Variants in ZNF423 observed in about 807,000 individuals in gnomAD.
The protein encoded by ZNF423 is Ebf-associated zinc finger protein.
In ZNF423, 12 loss-of-function variants were observed where a neutral mutation model predicts 95.8. The ratio of observed to expected loss-of-function variants is 0.13; its 90% CI spans 0.08 to 0.20. The LOEUF is 0.20. Among genes scored for constraint, ZNF423 ranks in the 10% least tolerant of loss-of-function variants. The pLI is 1.00. For missense variants in ZNF423, 1,316 were observed against 1,737.1 expected (o/e 0.76, Z 4.31); for synonymous variants, 749 against 711.9 (o/e 1.05, Z -0.83).
Position 49,638,586 on chromosome 16 carries a change from G to A in ZNF423, c.590C>T (p.Thr197Met), listed in dbSNP as rs1213860159. 5 of 1,613,704 alleles carry A rather than the reference G, an allele frequency of 3.1e-6. No homozygotes were observed. Among genetic ancestry groups the A allele is most frequent in the South Asian group, 2.2e-5 (2 of 91,082 alleles). The part of the protein sequence containing the change: ...RSRDRHIKLH[T>M]GDKKYHCHEC... ...GTGGCAGTGATACTTCTTGTCGCCC[G>A]TATGCAGCTTGATGTGCCGGTCACG... The change falls in exon 4 of 8, where the codon ACG (threonine) becomes ATG (methionine). Residue 197 changes from threonine (T) to methionine (M), a missense_variant. Around this residue, in one of 6 missense-constraint regions of ZNF423, gnomAD observed 58 missense variants for 116.9 expected, o/e 0.50. Transcript: ENST00000563137. The surrounding 1 kb of genome is among the most constrained non-coding windows in gnomAD (Gnocchi z 5.6).
At chr16:49,630,454 A>C (rs1401164172) in intron 4 of ZNF423, among the ~76,000 whole-genome samples, 1 of 152,150 alleles carries the variant, frequency 6.6e-6, no homozygotes, top group African/African-American at 2.4e-5. Context: ...CATCCCAGGA[A>C]GGGAAGCTTC....
intron 7 of ZNF423, among the ~76,000 whole-genome samples, chr16:49,517,134 C>T (rs2151693315): frequency 6.6e-6 from 1 of 152,268 alleles, no homozygotes. Context: ...AGTGTAGCTG[C>T]CTTATTTAAG....
At chr16:49,720,154 C>T (rs1007318039) in intron 3 of ZNF423, among the ~76,000 whole-genome samples, 1 of 152,222 alleles carries the variant, frequency 6.6e-6, no homozygotes, top group African/African-American at 2.4e-5. Context: ...TTATGGAACA[C>T]CCAAGGTGGG....
chr16:49,508,211 A>G (rs1967732680), intron 7 of ZNF423, among the ~76,000 whole-genome samples: 1 of 152,174 alleles, frequency 6.6e-6, no homozygotes, highest in East Asian at 1.9e-4. Flanking sequence ...ATGATGATGG[A>G]AATTCTCTGT....
Position 49,742,635 on chromosome 16 carries a change from C to T in ZNF423, c.101-11664G>A, listed in dbSNP as rs548278377. Among the ~76,000 whole-genome samples, 246 of 151,730 alleles carry T rather than the reference C, an allele frequency of 1.6e-3. 1 individual carries two copies. Among genetic ancestry groups the T allele is most frequent in the Admixed American group, 4.2e-3 (64 of 15,232 alleles). ...GAAGGGGGAGATGGGGGAGCAGGGC[C>T]GGCGGTGGGCAGGGGAGGGAGGATG... On this transcript the variant is annotated intron_variant, in intron 2 of 7. Coordinates refer to ENST00000563137, the MANE Select transcript of ZNF423 (RefSeq NM_001379286.1).
intron 5 of ZNF423, among the ~76,000 whole-genome samples, chr16:49,621,968 G>A (rs1972098710): frequency 6.6e-6 from 1 of 152,158 alleles, no homozygotes; most frequent in Non-Finnish European, 1.5e-5. Context: ...CAACACCGCA[G>A]CCAGATTCTT....
intron 1 of ZNF423, among the ~76,000 whole-genome samples, chr16:49,795,409 C>A (rs1293387304): frequency 6.6e-6 from 1 of 152,226 alleles, no homozygotes; most frequent in Non-Finnish European, 1.5e-5. Flanking sequence ...GCCTTGAGCA[C>A]AAACCACTCC....
chr16:49,809,376 T>A (rs1246967237), intron 1 of ZNF423, among the ~76,000 whole-genome samples: 1 of 152,168 alleles, frequency 6.6e-6, no homozygotes, highest in Non-Finnish European at 1.5e-5. Context: ...AGTGGTCCCA[T>A]GCTCTGTGTG....
rs150934412 is a variant in ZNF423 at position 49,525,965 on chromosome 16, G to A, written c.3602-471C>T. ...CAAATAATGTCTCTGCCCCCACTCT[G>A]GTGGTGGGGTAGACAGATGATAAAC... On this transcript the variant is annotated intron_variant, in intron 5 of 7. Transcript: ENST00000563137. Among the ~76,000 whole-genome samples, 543 of 152,342 alleles carry A rather than the reference G, an allele frequency of 3.6e-3. 9 individuals carry two copies. Among genetic ancestry groups the A allele is most frequent in the East Asian group, 0.027 (141 of 5,190 alleles).
chr16:49,714,249 G>A (rs1038776352), intron 3 of ZNF423, among the ~76,000 whole-genome samples: 4 of 152,140 alleles, frequency 2.6e-5, no homozygotes, highest in African/African-American at 9.7e-5. Context: ...CGAAGCACCC[G>A]GTGCTTACCT....
chr16:49,833,828 G>A lies in ZNF423; in HGVS notation c.40+21907C>T, dbSNP rs569116604. Among the ~76,000 whole-genome samples, 298 of 152,052 alleles carry A rather than the reference G, an allele frequency of 2.0e-3. 1 individual carries two copies. The highest frequency in any genetic ancestry group is 7.0e-3 in the African/African-American group (290 of 41,454). The stretch of plus-strand genomic sequence containing the variant: ...GGGAGCATGTGCAGGGGGGCAGCAG[G>A]GCTGGGTGGGCAGGGAGGGCAGGGA... On this transcript the variant is annotated intron_variant, in intron 1 of 7. Transcript: ENST00000563137.
intron 7 of ZNF423, among the ~76,000 whole-genome samples, chr16:49,498,950 T>A (rs1039930680): frequency 6.6e-6 from 1 of 152,146 alleles, no homozygotes; most frequent in African/African-American, 2.4e-5. Flanking sequence ...GAACACAATT[T>A]AGCTAATGCA....
intron 5 of ZNF423, among the ~76,000 whole-genome samples, chr16:49,617,315 G>A (rs956263093): frequency 4.6e-4 from 70 of 152,204 alleles, no homozygotes; most frequent in Admixed American, 7.9e-4. Flanking sequence ...AAGCTCTGGG[G>A]CCACTGGCCA....
At chr16:49,730,540 G>T (rs984289804) in intron 3 of ZNF423, 2 of 570,088 alleles carry the variant, frequency 3.5e-6, no homozygotes, top group Non-Finnish European at 3.1e-6. Flanking sequence ...GCGGGGAGAG[G>T]GGGCCGGGAC....
chr16:49,511,652 T>C (rs1967901202), intron 7 of ZNF423, among the ~76,000 whole-genome samples: 1 of 152,170 alleles, frequency 6.6e-6, no homozygotes, highest in South Asian at 2.1e-4. Context: ...ACAAGGAGTG[T>C]TGTCAGTGTC....
At chr16:49,778,610 T>A (rs143854266) in intron 2 of ZNF423, among the ~76,000 whole-genome samples, 4 of 142,728 alleles carry the variant, frequency 2.8e-5, no homozygotes, top group African/African-American at 1.0e-4. Context: ...AATGGTTCCC[T>A]ACAGACTCAG....
At chr16:49,720,770 T>C (rs749076751) in intron 3 of ZNF423, among the ~76,000 whole-genome samples, 1 of 152,194 alleles carries the variant, frequency 6.6e-6, no homozygotes, top group African/African-American at 2.4e-5. Context: ...TCCTACCTCC[T>C]AAAGAAGATG....
At chr16:49,711,019 T>C (rs1269572968) in intron 3 of ZNF423, among the ~76,000 whole-genome samples, 2 of 152,002 alleles carry the variant, frequency 1.3e-5, no homozygotes. Flanking sequence ...AAGCACAGTA[T>C]GTAAAGCCAA....
At chr16:49,720,900 C>T (rs2032846027) in intron 3 of ZNF423, among the ~76,000 whole-genome samples, 1 of 152,240 alleles carries the variant, frequency 6.6e-6, no homozygotes, top group South Asian at 2.1e-4. Flanking sequence ...TGTATGTTGT[C>T]TCCCTGGCCG....
Sources: gnomAD v4.1 joint callset for allele counts (sites outside exome capture counted in the v4.1 genomes callset) on GRCh38, gnomAD v4.1.1 for gene constraint, gnomAD v4.1.1 regional missense constraint, Gnocchi (gnomAD v3.1) non-coding constraint, MANE v1.5 for transcripts, NCBI Gene and HGNC (gene_info 2026-07-23, HGNC 2026-07-21) for gene names.